Variants in VKORC1L1 observed in about 807,000 individuals in gnomAD.
The protein encoded by VKORC1L1 is vitamin K epoxide reductase complex subunit 1-like protein 1.
Under a neutral mutation model 18.9 loss-of-function variants are expected in VKORC1L1, and 2 were observed. The ratio of observed to expected loss-of-function variants is 0.11; its 90% CI spans 0.04 to 0.33. VKORC1L1 has a LOEUF of 0.33. Among genes scored for constraint, VKORC1L1 ranks in the 10% least tolerant of loss-of-function variants. VKORC1L1 has a pLI of 1.00. For missense variants in VKORC1L1, 123 were observed against 224.1 expected, an observed-to-expected ratio of 0.55 and a Z score of 2.88; for synonymous variants, 96 against 100.0, an observed-to-expected ratio of 0.96 and a Z score of 0.24.
intron 1 of VKORC1L1, among the ~76,000 whole-genome samples, chr7:65,927,576 AGGCACAC>A (rs561394789): frequency 1.1e-3 from 171 of 152,246 alleles, no homozygotes; most frequent in African/African-American, 4.0e-3. Flanking sequence ...TCTGGTGGAC[AGGCACAC>A]CCAGCACAGT....
At chr7:65,937,115 T>TTTGTTG (rs140101281) in intron 1 of VKORC1L1, among the ~76,000 whole-genome samples, 4 of 151,948 alleles carry the variant, frequency 2.6e-5, no homozygotes, top group Admixed American at 2.0e-4. Flanking sequence ...TGGGTTTTGT[T>TTTGTTG]TTGTTGTTGT....
chr7:65,868,870 A>G (rs553701508), upstream of VKORC1L1, among the ~76,000 whole-genome samples: 1 of 152,240 alleles, frequency 6.6e-6, no homozygotes, highest in East Asian at 1.9e-4. Context: ...CACTATTTGA[A>G]TCATGGCTAC....
At chr7:65,920,503 T>C (rs1239018616) in intron 1 of VKORC1L1, among the ~76,000 whole-genome samples, 1 of 152,128 alleles carries the variant, frequency 6.6e-6, no homozygotes, top group Non-Finnish European at 1.5e-5. Flanking sequence ...ACATATAGAT[T>C]CGTGTACATA....
intron 1 of VKORC1L1, among the ~76,000 whole-genome samples, chr7:65,909,537 G>A (rs951097526): frequency 2.0e-5 from 3 of 152,018 alleles, no homozygotes; most frequent in Admixed American, 6.6e-5. Context: ...TTATCTTTAG[G>A]TGAAGGAAAT....
intron 1 of VKORC1L1, among the ~76,000 whole-genome samples, chr7:65,928,525 G>A (rs559355616): frequency 5.9e-5 from 9 of 152,092 alleles, no homozygotes; most frequent in Admixed American, 2.6e-4. Context: ...GTCTCACTTT[G>A]TTCACATGTA....
chr7:65,939,353 A>G (rs1789997720), intron 1 of VKORC1L1, among the ~76,000 whole-genome samples: 1 of 152,068 alleles, frequency 6.6e-6, no homozygotes, highest in African/African-American at 2.4e-5. Context: ...CGTGGAGGTG[A>G]TTTGGTGGAA....
chr7:65,925,833 T>A (rs1789753701), intron 1 of VKORC1L1, among the ~76,000 whole-genome samples: 1 of 152,122 alleles, frequency 6.6e-6, no homozygotes, highest in Non-Finnish European at 1.5e-5. Flanking sequence ...CAAGAAATTG[T>A]ATAAAACCAC....
intron 1 of VKORC1L1, among the ~76,000 whole-genome samples, chr7:65,876,433 C>T (rs1788828170): frequency 1.3e-5 from 2 of 151,140 alleles, no homozygotes; most frequent in Admixed American, 6.6e-5. Context: ...ACCTGGGATG[C>T]AGAGGTTGCA....
Position 65,917,673 on chromosome 7 carries a change from T to C in VKORC1L1, c.195-30998T>C, listed in dbSNP as rs116993704. ...TCTACCATTAACATTTCACTTGTACTTGCATTTTTATTTGCTATACAATTA... is the reference window on the plus strand; with the variant it reads ...TCTACCATTAACATTTCACTTGTACCTGCATTTTTATTTGCTATACAATTA... On this transcript the variant is annotated intron_variant, in intron 1 of 2. Coordinates refer to ENST00000360768, the MANE Select transcript of VKORC1L1 (RefSeq NM_173517.6). Among the ~76,000 whole-genome samples the C allele has an allele frequency of 2.5e-3, 386 of 152,332 alleles. 6 individuals are homozygous for C. Among genetic ancestry groups the C allele is most frequent in the East Asian group, 0.025 (128 of 5,194 alleles).
chr7:65,882,804 T>A (rs1388872457), intron 1 of VKORC1L1, among the ~76,000 whole-genome samples: 1 of 152,236 alleles, frequency 6.6e-6, no homozygotes, highest in African/African-American at 2.4e-5. Flanking sequence ...GTAAAGTTTT[T>A]ATTTTTTACC....
Position 65,955,660 on chromosome 7 carries a change from T to C in VKORC1L1, c.*1360T>C, listed in dbSNP as rs1441144155. On this transcript the variant is annotated 3_prime_UTR_variant, in exon 3 of 3. Coordinates refer to ENST00000360768, the MANE Select transcript of VKORC1L1 (RefSeq NM_173517.6). ...AATCTCAAACCAAATATTTTGTGTG[T>C]TGACCTTGGGCAGAAGAAGTGTCCT... 6.6e-6 allele frequency: 1 copy of C among 152,228 alleles called. No homozygotes were observed. Among genetic ancestry groups the C allele is most frequent in the Non-Finnish European group, 1.5e-5 (1 of 68,046 alleles). The allele number at this position is 152,228 out of a possible 1,614,324, so 9.4% of individuals were successfully genotyped here.
At chr7:65,946,740 C>G (rs1192196304) in intron 1 of VKORC1L1, among the ~76,000 whole-genome samples, 1 of 152,128 alleles carries the variant, frequency 6.6e-6, no homozygotes, top group East Asian at 1.9e-4. Flanking sequence ...ACTTCTGGAT[C>G]CCCGGCACGT....
At chr7:65,953,460 G>T (rs192778914) in intron 2 of VKORC1L1, among the ~76,000 whole-genome samples, 101 of 152,332 alleles carry the variant, frequency 6.6e-4, no homozygotes, top group Admixed American at 2.2e-3. Context: ...TGGGGCTGTT[G>T]ATGTTACAAG....
intron 1 of VKORC1L1, among the ~76,000 whole-genome samples, chr7:65,922,697 C>T (rs1453438172): frequency 6.6e-6 from 1 of 152,206 alleles, no homozygotes; most frequent in Non-Finnish European, 1.5e-5. Context: ...TGTACACTTG[C>T]ACCTGGAATT....
At chr7:65,922,908 A>C (rs1274941006) in intron 1 of VKORC1L1, among the ~76,000 whole-genome samples, 2 of 151,194 alleles carry the variant, frequency 1.3e-5, no homozygotes, top group Admixed American at 6.6e-5. Flanking sequence ...TTGGGGTTCA[A>C]CTCTTCTTGA....
intron 1 of VKORC1L1, among the ~76,000 whole-genome samples, chr7:65,929,682 G>GTGTATATA (rs370107880): frequency 1.9e-4 from 24 of 128,632 alleles, no homozygotes; most frequent in African/African-American, 2.9e-4. Flanking sequence ...GTGTGTGTGT[G>GTGTATATA]TATATATATA....
intron 1 of VKORC1L1, among the ~76,000 whole-genome samples, chr7:65,925,210 AGT>A (rs1216070000): frequency 1.3e-5 from 2 of 152,186 alleles, no homozygotes; most frequent in Non-Finnish European, 2.9e-5. Flanking sequence ...AACTCAACTC[AGT>A]CATCTGTTCT....
intron 2 of VKORC1L1, among the ~76,000 whole-genome samples, chr7:65,952,111 G>T (rs1047489861): frequency 1.3e-5 from 2 of 152,302 alleles, no homozygotes; most frequent in African/African-American, 4.8e-5. Flanking sequence ...CAATTTTACA[G>T]TTGAGAAAAG....
intron 1 of VKORC1L1, among the ~76,000 whole-genome samples, chr7:65,909,151 T>TC (rs1484815694): frequency 6.7e-6 from 1 of 148,392 alleles, no homozygotes; most frequent in Non-Finnish European, 1.5e-5. Context: ...CTAATTTTTT[T>TC]TTTTTTTTTT....
Sources: gnomAD v4.1 joint callset for allele counts (sites outside exome capture counted in the v4.1 genomes callset) on GRCh38, gnomAD v4.1.1 for gene constraint, MANE v1.5 for transcripts, NCBI Gene and HGNC (gene_info 2026-07-23, HGNC 2026-07-21) for gene names.